The following POU2F2 variants were observed in gnomAD, a reference collection of about 807,000 sequenced individuals.
The protein encoded by POU2F2 is POU class 2 homeobox 2, also known as POU domain, class 2, transcription factor 2.
POU2F2 carries 14 observed loss-of-function variants against 63.5 expected under a neutral mutation model. The ratio of observed to expected loss-of-function variants is 0.22; its 90% CI spans 0.15 to 0.34. The LOEUF (loss-of-function observed/expected upper bound fraction) is 0.34, where lower values mean the gene tolerates loss of function less well. Among genes scored for constraint, POU2F2 ranks in the 10% least tolerant of loss-of-function variants. POU2F2 has a pLI of 1.00. For missense variants in POU2F2, 607 were observed against 815.2 expected (o/e 0.74, Z 3.11); for synonymous variants, 306 against 348.6 (o/e 0.88, Z 1.36).
At position 42,153,200 on chromosome 19, in the gene POU2F2, T is replaced by C. The variant is rs2034389590; in HGVS notation, c.-9+7132A>G. On this transcript the variant is annotated intron_variant, in intron 2 of 6. Coordinates refer to the POU2F2 transcript ENST00000524801. This position sits in a 1 kb window ranked among gnomAD's most constrained non-coding sequence, Gnocchi z 5.6. ...AGCTGCCATGGACGCAGGGTGTGCA[T>C]GTGTCCTCAGGCTCTGCTGGGGGAT... Among the ~76,000 whole-genome samples, 1 of 152,140 alleles carries C rather than the reference T, an allele frequency of 6.6e-6. No homozygotes were observed.
intron 2 of POU2F2, among the ~76,000 whole-genome samples, chr19:42,147,443 C>T (rs1043561159): frequency 6.6e-6 from 1 of 152,214 alleles, no homozygotes; most frequent in Non-Finnish European, 1.5e-5. Context: ...ATAGACTTAT[C>T]AGTTCCTGAT....
Position 42,087,263 on chromosome 19 carries a change from G to C in POU2F2, c.*3994C>G, listed in dbSNP as rs572928848. 1 of 151,552 alleles carries C rather than the reference G, an allele frequency of 6.6e-6. No individual in the cohort carries two copies. Among genetic ancestry groups the C allele is most frequent in the African/African-American group, 2.4e-5 (1 of 41,264 alleles). 9.4% of individuals were successfully genotyped at this position (151,552 alleles called of 1,614,324 possible). On this transcript the variant is annotated 3_prime_UTR_variant, in exon 15 of 15. Transcript: ENST00000692977. ...GGGGCCCGCGTGTCTCAATCTTGCTGTCTGTCTCACTCTCTCTCTCACTCA... is the reference window on the plus strand; with the variant it reads ...GGGGCCCGCGTGTCTCAATCTTGCTCTCTGTCTCACTCTCTCTCTCACTCA...
intron 1 of POU2F2, among the ~76,000 whole-genome samples, chr19:42,194,965 A>G (rs940649479): frequency 3.5e-5 from 2 of 57,870 alleles, no homozygotes; most frequent in Non-Finnish European, 6.6e-5. Context: ...GAAATGAAGG[A>G]GGGGGGAGGG....
chr19:42,139,181 A>C (rs2034078692), intron 2 of POU2F2, among the ~76,000 whole-genome samples: 1 of 152,114 alleles, frequency 6.6e-6, no homozygotes, highest in South Asian at 2.1e-4. Context: ...TTAGCTGGGC[A>C]TGGTGGCGCA....
intron 5 of POU2F2, among the ~76,000 whole-genome samples, chr19:42,102,217 T>C (rs75230979): frequency 0.13 from 20,454 of 152,140 alleles, 1,530 homozygotes; most frequent in Middle Eastern, 0.21. Context: ...CCACAAGTCA[T>C]GGTTACATGC....
intron 2 of POU2F2, among the ~76,000 whole-genome samples, chr19:42,147,665 C>T (rs888636212): frequency 7.9e-5 from 12 of 152,138 alleles, no homozygotes; most frequent in East Asian, 1.9e-4. Flanking sequence ...CTTAAGTCTT[C>T]GAAGCCTCAG....
At position 42,088,329 on chromosome 19, in the gene POU2F2, G is replaced by C. The variant is rs1159355036; in HGVS notation, c.*2928C>G. ...GGTCCCCAGCACCCCCGGCTGCACAGGGGTCCCTCCACCAACATCAGGGCA... is the reference window on the plus strand; with the variant it reads ...GGTCCCCAGCACCCCCGGCTGCACACGGGTCCCTCCACCAACATCAGGGCA... On this transcript the variant is annotated 3_prime_UTR_variant, in exon 15 of 15. Coordinates refer to ENST00000692977, the MANE Select transcript of POU2F2 (RefSeq NM_001394376.1). 1 of 152,102 alleles carries C rather than the reference G, an allele frequency of 6.6e-6. No homozygotes were observed. Among genetic ancestry groups the C allele is most frequent in the Admixed American group, 6.5e-5 (1 of 15,276 alleles). The allele number at this position is 152,102 out of a possible 1,614,324, so 9.4% of individuals were successfully genotyped here.
rs116969427 is a variant in POU2F2, at chr19:42,158,688, A to G, written c.-9+1644T>C. Among the ~76,000 whole-genome samples the G allele has an allele frequency of 4.0e-4, 61 of 152,348 alleles. No individual in the cohort carries two copies. In the East Asian group the frequency reaches 9.4e-3, roughly 24 times the overall value. On this transcript the variant is annotated intron_variant, in intron 2 of 6. Transcript: ENST00000524801. ...TACCAAGTCAGTCACCCACATGTCC[A>G]TGAAATCATGGATATTTAATGAACA...
chr19:42,114,881 C>T (rs1219528244), intron 5 of POU2F2, among the ~76,000 whole-genome samples: 3 of 152,190 alleles, frequency 2.0e-5, no homozygotes, highest in African/African-American at 4.8e-5. Flanking sequence ...TGGCTCATGC[C>T]TATAATCCCG....
At chr19:42,093,008 TA>T (rs58053511) in intron 12 of POU2F2, among the ~76,000 whole-genome samples, 23,047 of 81,100 alleles carry the variant, frequency 0.28, 2,954 homozygotes, top group East Asian at 0.37. Context: ...TATATATATA[TA>T]TTTTTTTTTT....
chr19:42,161,910 G>C (rs539185876), intron 1 of POU2F2, among the ~76,000 whole-genome samples: 1 of 152,206 alleles, frequency 6.6e-6, no homozygotes, highest in Non-Finnish European at 1.5e-5. Flanking sequence ...ATTTAGGGCC[G>C]GGATCAATAG....
chr19:42,116,836 G>A (rs904544424), intron 5 of POU2F2: 1 of 403,832 alleles, frequency 2.5e-6, no homozygotes, highest in Admixed American at 3.0e-5. Context: ...CGAGGAGGAG[G>A]CAGAGGAGGA....
chr19:42,175,461 G>A lies in POU2F2; in HGVS notation c.-70+502C>T, dbSNP rs373863704. Among the ~76,000 whole-genome samples the A allele has an allele frequency of 6.6e-3, 991 of 149,982 alleles. 12 individuals carry two copies. Among genetic ancestry groups the A allele is most frequent in the African/African-American group, 0.023 (947 of 40,752 alleles). ...GGGGAAATGAGTGGCAGGAAGGGAA[G>A]AATAAAAGAAAGGGGGAAAGGGGGA... On this transcript the variant is annotated intron_variant, in intron 1 of 6. Coordinates refer to the POU2F2 transcript ENST00000524801.
At chr19:42,167,111 A>G (rs2034667711) in intron 1 of POU2F2, among the ~76,000 whole-genome samples, 2 of 152,196 alleles carry the variant, frequency 1.3e-5, no homozygotes, top group South Asian at 4.1e-4. Context: ...ACAAGAAAAT[A>G]TATTTAAGAC....
intron 11 of POU2F2, among the ~76,000 whole-genome samples, chr19:42,094,187 T>C (rs1403627859): frequency 6.6e-6 from 1 of 152,092 alleles, no homozygotes; most frequent in Non-Finnish European, 1.5e-5. Context: ...ACCGGAAGAG[T>C]GGCTGCTCCA....
upstream of POU2F2, among the ~76,000 whole-genome samples, chr19:42,133,811 C>A (rs2033917516): frequency 6.6e-6 from 1 of 152,124 alleles, no homozygotes; most frequent in African/African-American, 2.4e-5. The surrounding 1 kb of genome is among the most constrained non-coding windows in gnomAD (Gnocchi z 5.1). Flanking sequence ...CCTGGCCACT[C>A]GCACCCACTC....
At chr19:42,171,403 G>A (rs1325014025) in intron 1 of POU2F2, among the ~76,000 whole-genome samples, 2 of 151,744 alleles carry the variant, frequency 1.3e-5, no homozygotes, top group Admixed American at 6.6e-5. Flanking sequence ...TGTATATATG[G>A]GGAGATGGAA....
At position 42,088,692 on chromosome 19, in the gene POU2F2, A is replaced by C. The variant is rs150970302; in HGVS notation, c.*2565T>G. The C allele has an allele frequency of 3.3e-5, 5 of 152,254 alleles. No individual in the cohort carries two copies. The allele number at this position is 152,254 out of a possible 1,614,324, so 9.4% of individuals were successfully genotyped here. On this transcript the variant is annotated 3_prime_UTR_variant, in exon 15 of 15. Coordinates refer to ENST00000692977, the MANE Select transcript of POU2F2 (RefSeq NM_001394376.1). ...CTCTCCACCCTTGGGCTGGGGCCCA[A>C]GCCCTCTTGCCAGTCCCTTCTCTCT...
At chr19:42,119,286 G>T (rs778841232) in intron 4 of POU2F2, among the ~76,000 whole-genome samples, 1 of 152,216 alleles carries the variant, frequency 6.6e-6, no homozygotes, top group Non-Finnish European at 1.5e-5. Flanking sequence ...TCTGGTGCTA[G>T]TGACATGGGT....
Sources: allele counts gnomAD v4.1 joint callset (sites outside exome capture counted in the v4.1 genomes callset), GRCh38; gene constraint gnomAD v4.1.1; non-coding constraint Gnocchi (gnomAD v3.1); transcripts MANE v1.5; gene names NCBI Gene and HGNC (gene_info 2026-07-23, HGNC 2026-07-21).